BANK1: variants seen among roughly 807,000 people sequenced by gnomAD.
BANK1 encodes the protein B cell scaffold protein with ankyrin repeats 1.
Under a neutral mutation model 94.5 loss-of-function variants are expected in BANK1, and 95 were observed. The observed-to-expected ratio is 1.00, with a 90% CI of 0.85 to 1.19. The LOEUF is 1.19. Among genes scored for constraint, BANK1 ranks in the 50% most tolerant of loss-of-function variants. BANK1 has a pLI of 0.00. For missense variants in BANK1, 987 were observed against 932.2 expected, an observed-to-expected ratio of 1.06 and a Z score of -0.77; for synonymous variants, 334 against 308.4, an observed-to-expected ratio of 1.08 and a Z score of -0.87.
intron 2 of BANK1, among the ~76,000 whole-genome samples, chr4:101,849,544 CAT>C (rs1455720425): frequency 6.6e-6 from 1 of 151,834 alleles, no homozygotes; most frequent in African/African-American, 2.4e-5. Flanking sequence ...AATATATAAG[CAT>C]ATATATGTAT....
intron 1 of BANK1, among the ~76,000 whole-genome samples, chr4:101,822,499 A>G (rs1726199684): frequency 6.6e-6 from 1 of 152,328 alleles, no homozygotes; most frequent in African/African-American, 2.4e-5. Flanking sequence ...CAAATGCTCT[A>G]AAGTTAAAAT....
chr4:101,915,689 C>T (rs890094713), intron 6 of BANK1, among the ~76,000 whole-genome samples: 2 of 151,880 alleles, frequency 1.3e-5, no homozygotes, highest in Admixed American at 6.6e-5. Context: ...GTGAATTTTC[C>T]ACTACGATAT....
At chr4:102,034,395 C>T (rs1419179270) in intron 10 of BANK1, among the ~76,000 whole-genome samples, 2 of 152,302 alleles carry the variant, frequency 1.3e-5, no homozygotes, top group East Asian at 3.9e-4. Flanking sequence ...AATTTCCTCA[C>T]TGTAAGCTGG....
intron 7 of BANK1, among the ~76,000 whole-genome samples, chr4:101,973,136 C>CT (rs1420280584): frequency 6.6e-6 from 1 of 151,772 alleles, no homozygotes; most frequent in African/African-American, 2.4e-5. Context: ...TTCTAAGAGA[C>CT]TAAATTTCAA....
At chr4:101,872,859 A>G (rs1728345629) in intron 5 of BANK1, among the ~76,000 whole-genome samples, 2 of 152,026 alleles carry the variant, frequency 1.3e-5, no homozygotes. Context: ...ATGGTGATGT[A>G]TGCCTGTAAT....
At chr4:101,875,682 A>G (rs1045458181) in intron 5 of BANK1, among the ~76,000 whole-genome samples, 4 of 152,206 alleles carry the variant, frequency 2.6e-5, no homozygotes, top group Middle Eastern at 3.2e-3. Context: ...GCTAAACCAT[A>G]TAACCCACTT....
Position 101,810,201 on chromosome 4 carries a change from C to T in BANK1, c.70+19251C>T, listed in dbSNP as rs539098306. 5.4e-4 allele frequency among the ~76,000 whole-genome samples: 82 copies of T among 152,234 alleles called. No homozygotes were observed. The South Asian group carries it at 0.016, about 29-fold the overall frequency. On this transcript the variant is annotated intron_variant, in intron 1 of 16. Transcript: ENST00000322953. ...CAAGTAAATATATTGATTCCTAAGG[C>T]CTATAGAAATAATGTAGCCCTGCAA...
At chr4:101,999,541 A>C (rs1238496189) in intron 7 of BANK1, among the ~76,000 whole-genome samples, 2 of 152,216 alleles carry the variant, frequency 1.3e-5, no homozygotes, top group African/African-American at 2.4e-5. Flanking sequence ...TCATTTACTC[A>C]TCACTCAATC....
chr4:102,062,911 A>C, intron 12 of BANK1, 164 bp from the exon 13 acceptor site: 5 of 585,372 alleles, frequency 8.5e-6, no homozygotes, highest in South Asian at 4.4e-5. Context: ...TGTGAGAATT[A>C]AGTAAGATAA....
intron 7 of BANK1, among the ~76,000 whole-genome samples, chr4:101,962,157 A>G (rs534296188): frequency 1.3e-5 from 2 of 152,268 alleles, no homozygotes; most frequent in African/African-American, 4.8e-5. Flanking sequence ...CAAATTATCA[A>G]TAACTCTATG....
At chr4:101,953,048 T>G (rs1223111606) in intron 7 of BANK1, among the ~76,000 whole-genome samples, 1 of 152,094 alleles carries the variant, frequency 6.6e-6, no homozygotes, top group Non-Finnish European at 1.5e-5. Context: ...ACCCTACACC[T>G]ATGTGAACAG....
At chr4:101,801,090 C>G (rs2148850298) in intron 1 of BANK1, among the ~76,000 whole-genome samples, 1 of 152,298 alleles carries the variant, frequency 6.6e-6, no homozygotes, top group East Asian at 1.9e-4. Flanking sequence ...GGGCAAAAAA[C>G]TGTATGCTTT....
chr4:101,958,749 T>C (rs1269112132), intron 7 of BANK1, among the ~76,000 whole-genome samples: 5 of 152,028 alleles, frequency 3.3e-5, no homozygotes, highest in African/African-American at 1.2e-4. Flanking sequence ...ACATCCATCC[T>C]CTCTACACAT....
chr4:101,899,545 C>A (rs949344952), intron 6 of BANK1, among the ~76,000 whole-genome samples: 1 of 151,936 alleles, frequency 6.6e-6, no homozygotes, highest in Admixed American at 6.6e-5. Flanking sequence ...TTTTTACCTG[C>A]GTAACCAAAA....
At chr4:101,854,607 G>GT (rs962580171) in intron 2 of BANK1, among the ~76,000 whole-genome samples, 23 of 146,990 alleles carry the variant, frequency 1.6e-4, no homozygotes, top group East Asian at 6.0e-4. Context: ...TGTGCTTTCT[G>GT]TTTTTTTTTT....
intron 11 of BANK1, among the ~76,000 whole-genome samples, chr4:102,056,963 C>G (rs1728246608): frequency 6.6e-6 from 1 of 152,230 alleles, no homozygotes; most frequent in African/African-American, 2.4e-5. Flanking sequence ...CGAGATCACG[C>G]CACTGCACTC....
In BANK1 at chr4:101,935,716, C is replaced by G. The variant is rs778759583; in HGVS notation, c.1206+17527C>G. On this transcript the variant is annotated intron_variant, in intron 7 of 16. Coordinates refer to ENST00000322953, the MANE Select transcript of BANK1 (RefSeq NM_017935.5). ...ATATGAAACATGGAATAAATCCTCT[C>G]TCTACATTCATATTAAGAAGTTTAA... Among the ~76,000 whole-genome samples the G allele has an allele frequency of 2.4e-4, 36 of 151,442 alleles. 1 individual carries two copies. Among genetic ancestry groups the G allele is most frequent in the Admixed American group, 5.3e-4 (8 of 15,180 alleles).
At chr4:102,043,143 T>C (rs1727759042) in intron 10 of BANK1, among the ~76,000 whole-genome samples, 1 of 151,812 alleles carries the variant, frequency 6.6e-6, no homozygotes, top group African/African-American at 2.4e-5. Flanking sequence ...TTGTAAAGAG[T>C]CTGGACTTTT....
chr4:101,970,278 G>A (rs1219690727), intron 7 of BANK1, among the ~76,000 whole-genome samples: 1 of 152,134 alleles, frequency 6.6e-6, no homozygotes, highest in African/African-American at 2.4e-5. Context: ...TTATAGTTAA[G>A]CAATTGAGAC....
Sources: allele counts gnomAD v4.1 joint callset (sites outside exome capture counted in the v4.1 genomes callset), GRCh38; gene constraint gnomAD v4.1.1; transcripts MANE v1.5; gene names NCBI Gene and HGNC (gene_info 2026-07-23, HGNC 2026-07-21).